The following MOK variants were observed in gnomAD, a reference collection of about 807,000 sequenced individuals.
MOK encodes MOK protein kinase.
In MOK, 59 loss-of-function variants were observed where a neutral mutation model predicts 54.2. That is an observed-to-expected ratio of 1.09 (90% CI 0.88 to 1.35). The LOEUF (loss-of-function observed/expected upper bound fraction) is 1.35. Among genes scored for constraint, MOK ranks in the 40% most tolerant of loss-of-function variants. The pLI, the probability that MOK is intolerant of heterozygous loss-of-function variation, is 0.00. For synonymous variants in MOK, 210 were observed against 202.7 expected, an observed-to-expected ratio of 1.04 and a Z score of -0.31; for missense variants, 517 against 526.2, an observed-to-expected ratio of 0.98 and a Z score of 0.17.
intron 1 of MOK, among the ~76,000 whole-genome samples, chr14:102,289,252 A>G (rs1405143015): frequency 6.8e-6 from 1 of 147,294 alleles, no homozygotes; most frequent in African/African-American, 2.6e-5. Flanking sequence ...ATAAAATCAG[A>G]AAAAAAAAAC....
At chr14:102,246,496 A>G (rs2066103049) in intron 7 of MOK, among the ~76,000 whole-genome samples, 1 of 151,140 alleles carries the variant, frequency 6.6e-6, no homozygotes, top group Admixed American at 6.6e-5. Context: ...AATCTCACAC[A>G]CTCCTTACTA....
intron 1 of MOK, 42 bp from the exon 2 acceptor site, chr14:102,283,634 C>A: frequency 7.8e-7 from 1 of 1,274,052 alleles, no homozygotes; most frequent in Non-Finnish European, 1.1e-6. Flanking sequence ...GTTATTTATG[C>A]ATACACTTGT....
intron 2 of MOK, among the ~76,000 whole-genome samples, chr14:102,276,357 C>T (rs905939030): frequency 4.0e-5 from 6 of 151,892 alleles, no homozygotes; most frequent in East Asian, 1.9e-4. Context: ...GGCGTGGTGG[C>T]GGGCGCCTGT....
downstream of MOK, among the ~76,000 whole-genome samples, chr14:102,227,235 A>G (rs961041489): frequency 3.3e-5 from 5 of 152,138 alleles, no homozygotes; most frequent in Non-Finnish European, 7.4e-5. Context: ...ATCCGTTAAC[A>G]TGCCTGACCC....
intron 7 of MOK, among the ~76,000 whole-genome samples, chr14:102,237,085 C>A (rs2065287963): frequency 6.6e-6 from 1 of 152,202 alleles, no homozygotes; most frequent in South Asian, 2.1e-4. Context: ...TTTGCTTTCA[C>A]CTGGACCGAC....
intron 4 of MOK, among the ~76,000 whole-genome samples, chr14:102,263,283 A>G (rs1389264576): frequency 6.6e-6 from 1 of 152,050 alleles, no homozygotes; most frequent in Admixed American, 6.5e-5. Flanking sequence ...TCTGCAGCAG[A>G]GCTGCCCCTG....
chr14:102,240,967 C>G lies in MOK; in HGVS notation c.591-7178G>C, dbSNP rs56387259. On this transcript the variant is annotated intron_variant, in intron 7 of 11. Coordinates refer to ENST00000361847, the MANE Select transcript of MOK (RefSeq NM_014226.3). This position sits in a 1 kb window ranked among gnomAD's most constrained non-coding sequence, Gnocchi z 5.4. ...GCCTGACCTAAAACCTAAGTGTCTT[C>G]GCCAACACCACTTGGCCCCAATACA... is the stretch of plus-strand genomic sequence containing the variant. Among the ~76,000 whole-genome samples the G allele has an allele frequency of 6.6e-6, 1 of 152,128 alleles. No individual in the cohort carries two copies. Among genetic ancestry groups the G allele is most frequent in the East Asian group, 1.9e-4 (1 of 5,202 alleles).
chr14:102,227,109 C>T (rs2064282335), downstream of MOK, among the ~76,000 whole-genome samples: 1 of 152,150 alleles, frequency 6.6e-6, no homozygotes, highest in South Asian at 2.1e-4. Context: ...TCCTGGGCAC[C>T]GGCATCTGCA....
chr14:102,228,319 G>A (rs946616520), downstream of MOK, among the ~76,000 whole-genome samples: 1 of 152,202 alleles, frequency 6.6e-6, no homozygotes, highest in Non-Finnish European at 1.5e-5. Flanking sequence ...GCACCACCTC[G>A]CCAGGCTGGT....
chr14:102,226,250 G>T, downstream of MOK: 1 of 676,630 alleles, frequency 1.5e-6, no homozygotes, highest in South Asian at 1.6e-5. This position sits in a 1 kb window ranked among gnomAD's most constrained non-coding sequence, Gnocchi z 4.8. Context: ...TCTTCTTTAA[G>T]GTCAGGAGGG....
chr14:102,283,693 C>T, intron 1 of MOK, 101 bp from the exon 2 acceptor site: 1 of 661,788 alleles, frequency 1.5e-6, no homozygotes, highest in South Asian at 2.2e-5. Context: ...ATTTAAACAG[C>T]AATATACTGA....
In MOK at chr14:102,235,820, C is replaced by T. The variant is rs890508105; in HGVS notation, c.591-2031G>A. ...AAAAAGGCTGAAGATGCCCCTCAGA[C>T]CCCACAACGAGACCTCCTTAACTTG... is the stretch of plus-strand genomic sequence containing the variant. On this transcript the variant is annotated intron_variant, in intron 7 of 11. Transcript: ENST00000361847. This position sits in a 1 kb window ranked among gnomAD's most constrained non-coding sequence, Gnocchi z 4.4. Among the ~76,000 whole-genome samples the T allele has an allele frequency of 1.3e-5, 2 of 152,152 alleles. No homozygotes were observed. Among genetic ancestry groups the T allele is most frequent in the African/African-American group, 4.8e-5 (2 of 41,432 alleles).
intron 2 of MOK, among the ~76,000 whole-genome samples, chr14:102,279,036 C>T (rs1225247121): frequency 1.3e-5 from 2 of 152,148 alleles, no homozygotes; most frequent in Non-Finnish European, 1.5e-5. Flanking sequence ...AACAGAGGCA[C>T]GGAGAAATTA....
downstream of MOK, among the ~76,000 whole-genome samples, chr14:102,224,105 A>T (rs866019006): frequency 1.4e-5 from 2 of 145,448 alleles, no homozygotes; most frequent in African/African-American, 2.6e-5. Flanking sequence ...GCAGTGGCGC[A>T]ATCTCGGCTC....
downstream of MOK, among the ~76,000 whole-genome samples, chr14:102,222,201 C>G (rs908313162): frequency 1.3e-5 from 2 of 152,130 alleles, no homozygotes; most frequent in African/African-American, 4.8e-5. This position sits in a 1 kb window ranked among gnomAD's most constrained non-coding sequence, Gnocchi z 4.4. Context: ...CTTCTCCACA[C>G]CCAGCTGCAG....
chr14:102,292,624 C>CT (rs1296590581), intron 1 of MOK, among the ~76,000 whole-genome samples: 2 of 151,998 alleles, frequency 1.3e-5, no homozygotes, highest in African/African-American at 4.8e-5. Context: ...CTGTGTGCAC[C>CT]TTGTCCTCCT....
chr14:102,259,942 C>A (rs554456752), intron 4 of MOK, among the ~76,000 whole-genome samples: 7 of 152,188 alleles, frequency 4.6e-5, no homozygotes, highest in South Asian at 2.1e-4. Context: ...CTTTGGGAGG[C>A]CAAGGTGGGC....
chr14:102,250,863 G>A lies in MOK; in HGVS notation c.539C>T (p.Thr180Met), dbSNP rs763695568. ...PECLLTDGFY[T>M]YKMDLWSAGC... ...GGCGCTCCACAGGTCCATCTTGTAC[G>A]TGTAGAACCCATCAGTGAGGAGACA... Residue 180 changes from threonine to methionine, a missense_variant, in exon 7 of 12, where the codon ACG (threonine) becomes ATG (methionine). Transcript: ENST00000361847. The A allele has an allele frequency of 1.5e-5, 25 of 1,614,096 alleles. 1 individual carries two copies. The South Asian group carries it at 2.3e-4, about 15-fold the overall frequency.
In MOK at chr14:102,232,290, G is replaced by A. The variant is rs1439924395; in HGVS notation, c.866+245C>T. On this transcript the variant is annotated intron_variant, in intron 9 of 11. Coordinates refer to ENST00000361847, the MANE Select transcript of MOK (RefSeq NM_014226.3). The surrounding 1 kb of genome is among the most constrained non-coding windows in gnomAD (Gnocchi z 5.1). The stretch of plus-strand genomic sequence containing the variant: ...ACTACCTGTAGCCTTGGCATCAACC[G>A]CAAAGTGGACAGCCAGCCCCTCTTT... The A allele has an allele frequency of 1.8e-5, 8 of 447,418 alleles. No individual in the cohort carries two copies. The highest frequency in any genetic ancestry group is 5.6e-4 in the Middle Eastern group (1 of 1,774). The allele number at this position is 447,418 out of a possible 1,614,324, so 27.7% of individuals were successfully genotyped here.
Sources: gnomAD v4.1 joint callset for allele counts (sites outside exome capture counted in the v4.1 genomes callset) on GRCh38, gnomAD v4.1.1 for gene constraint, Gnocchi (gnomAD v3.1) non-coding constraint, MANE v1.5 for transcripts, NCBI Gene and HGNC (gene_info 2026-07-23, HGNC 2026-07-21) for gene names.